The following TENM3 variants were observed in gnomAD, a reference collection of about 807,000 sequenced individuals.
TENM3 encodes the protein teneurin-3.
A neutral mutation model predicts 255.1 loss-of-function variants in TENM3; 63 were observed. The ratio of observed to expected loss-of-function variants is 0.25; its 90% CI spans 0.20 to 0.30. The LOEUF is 0.30. Ranked by LOEUF, TENM3 falls within the 10% of genes least tolerant of loss-of-function variation. The pLI, the probability that TENM3 is intolerant of heterozygous loss-of-function variation, is 1.00. For synonymous variants in TENM3, 1,306 were observed against 1,322.3 expected (o/e 0.99, Z 0.27); for missense variants, 2,929 against 3,461.1 (o/e 0.85, Z 3.86).
chr4:182,401,607 G>GT (rs1262672161), intron 3 of TENM3, among the ~76,000 whole-genome samples: 8 of 151,708 alleles, frequency 5.3e-5, no homozygotes, highest in African/African-American at 1.9e-4. Context: ...ATGGCTTTCA[G>GT]TTTTTTTTCA....
the TENM3 span, among the ~76,000 whole-genome samples, chr4:182,087,150 G>A: frequency 0.027 from 4,169 of 152,256 alleles, 196 homozygotes; most frequent in African/African-American, 0.095. Context: ...CCCCCTGTCT[G>A]TAGGCTTGTC....
At chr4:181,484,490 C>T in the TENM3 span, among the ~76,000 whole-genome samples, 4 of 152,034 alleles carry the variant, frequency 2.6e-5, no homozygotes, top group Non-Finnish European at 5.9e-5. Flanking sequence ...TAGTAATTTA[C>T]AATATTTACA....
chr4:181,799,856 G>A, the TENM3 span, among the ~76,000 whole-genome samples: 2 of 152,192 alleles, frequency 1.3e-5, no homozygotes, highest in African/African-American at 4.8e-5. Flanking sequence ...CTCTGTTTGG[G>A]TGAACAAGTC....
the TENM3 span, among the ~76,000 whole-genome samples, chr4:181,546,601 C>T: frequency 7.0e-6 from 1 of 141,856 alleles, no homozygotes; most frequent in South Asian, 2.4e-4. Flanking sequence ...GTAGTCCCAG[C>T]TACTCGGGAG....
intron 13 of TENM3, among the ~76,000 whole-genome samples, chr4:182,715,295 C>G (rs1315547616): frequency 6.6e-6 from 1 of 152,214 alleles, no homozygotes; most frequent in Non-Finnish European, 1.5e-5. Flanking sequence ...CCCTGCCACT[C>G]CACCAGCCCC....
chr4:182,060,030 C>T, the TENM3 span, among the ~76,000 whole-genome samples: 1 of 152,018 alleles, frequency 6.6e-6, no homozygotes. Flanking sequence ...ATTGTTTAAG[C>T]CCAGGAGTTT....
chr4:182,417,692 A>G (rs762052188), intron 3 of TENM3, among the ~76,000 whole-genome samples: 2 of 152,238 alleles, frequency 1.3e-5, no homozygotes, highest in Non-Finnish European at 2.9e-5. Flanking sequence ...AATAGGTATT[A>G]GGACAACAAA....
the TENM3 span, among the ~76,000 whole-genome samples, chr4:181,537,764 A>G: frequency 1.3e-5 from 2 of 152,226 alleles, no homozygotes; most frequent in African/African-American, 4.8e-5. Flanking sequence ...TCTGCTTTCC[A>G]CCACTACTTA....
At chr4:182,027,531 G>A in the TENM3 span, among the ~76,000 whole-genome samples, 1 of 150,762 alleles carries the variant, frequency 6.6e-6, no homozygotes, top group Non-Finnish European at 1.5e-5. Context: ...ATGAAAATGG[G>A]CATCCTGGTT....
the TENM3 span, among the ~76,000 whole-genome samples, chr4:182,097,335 C>T: frequency 2.6e-5 from 4 of 152,244 alleles, no homozygotes; most frequent in Non-Finnish European, 5.9e-5. Context: ...CCTTCTGCAC[C>T]TCCCTCGGCT....
At chr4:181,817,731 A>G in the TENM3 span, among the ~76,000 whole-genome samples, 4 of 152,096 alleles carry the variant, frequency 2.6e-5, no homozygotes, top group Non-Finnish European at 4.4e-5. Flanking sequence ...TGAGGATGCA[A>G]CCTTCAAGGT....
chr4:181,771,872 C>T, the TENM3 span, among the ~76,000 whole-genome samples: 2 of 152,198 alleles, frequency 1.3e-5, no homozygotes, highest in African/African-American at 2.4e-5. Context: ...TCTAAAGATG[C>T]TACACTCACC....
intron 1 of TENM3, among the ~76,000 whole-genome samples, chr4:182,287,214 C>T (rs1030813488): frequency 2.6e-5 from 4 of 152,148 alleles, no homozygotes; most frequent in Admixed American, 6.5e-5. Context: ...GGTGACAGAG[C>T]GAGACTCCGT....
the TENM3 span, among the ~76,000 whole-genome samples, chr4:181,897,908 T>C: frequency 6.6e-6 from 1 of 152,190 alleles, no homozygotes; most frequent in Non-Finnish European, 1.5e-5. Flanking sequence ...GAAATGGGCT[T>C]AAAAGACTTG....
the TENM3 span, among the ~76,000 whole-genome samples, chr4:181,467,755 C>T: frequency 2.0e-5 from 3 of 152,030 alleles, no homozygotes; most frequent in African/African-American, 7.2e-5. Flanking sequence ...GACTAATTAG[C>T]ATTGATATAT....
the TENM3 span, among the ~76,000 whole-genome samples, chr4:181,551,836 ATATGTGTG>A: frequency 2.9e-4 from 6 of 20,382 alleles, no homozygotes; most frequent in East Asian, 1.2e-3. Context: ...ATATATATGT[ATATGTGTG>A]TGTGTGTGTG....
chr4:182,418,332 G>A (rs529390305), intron 3 of TENM3, among the ~76,000 whole-genome samples: 6 of 152,224 alleles, frequency 3.9e-5, no homozygotes, highest in South Asian at 4.1e-4. Context: ...TGAAAAGAAC[G>A]GATTCTCCAG....
chr4:182,278,355 G>A (rs572607065), intron 1 of TENM3, among the ~76,000 whole-genome samples: 3 of 151,756 alleles, frequency 2.0e-5, no homozygotes, highest in South Asian at 2.1e-4. Context: ...CAACAAGAGC[G>A]AAATTCCATC....
chr4:182,682,127 T>G, intron 11 of TENM3, 113 bp downstream of exon 11: 1 of 812,286 alleles, frequency 1.2e-6, no homozygotes, highest in Non-Finnish European at 1.9e-6. Context: ...AGTAAAGTGA[T>G]TCTTTATGGA....
Sources: gnomAD v4.1 joint callset for allele counts (sites outside exome capture counted in the v4.1 genomes callset) on GRCh38, gnomAD v4.1.1 for gene constraint, MANE v1.5 for transcripts, NCBI Gene and HGNC (gene_info 2026-07-23, HGNC 2026-07-21) for gene names.